The following DNAJC1 variants were observed in gnomAD, a reference collection of about 807,000 sequenced individuals.
The protein encoded by DNAJC1 is dnaJ homolog subfamily C member 1.
Under a neutral mutation model 76.6 loss-of-function variants are expected in DNAJC1, and 58 were observed. The observed-to-expected ratio is 0.76, with a 90% CI of 0.61 to 0.94. The LOEUF (loss-of-function observed/expected upper bound fraction) is 0.94, where lower values mean the gene tolerates loss of function less well. DNAJC1 is among the 40% of genes least tolerant of loss of function. DNAJC1 has a pLI of 0.00. For missense variants in DNAJC1, 689 were observed against 677.3 expected (o/e 1.02, Z -0.19); for synonymous variants, 258 against 267.9 (o/e 0.96, Z 0.36).
At chr10:21,770,516 G>C (rs766959180) in intron 9 of DNAJC1, among the ~76,000 whole-genome samples, 17 of 150,470 alleles carry the variant, frequency 1.1e-4, no homozygotes, top group Non-Finnish European at 2.2e-4. Context: ...TCCCACCTCA[G>C]CCTCACAAGT....
chr10:21,869,485 A>G (rs148035307), intron 8 of DNAJC1, among the ~76,000 whole-genome samples: 2 of 152,262 alleles, frequency 1.3e-5, no homozygotes, highest in African/African-American at 4.8e-5. Context: ...GTATTGATTT[A>G]TACCTTTGCC....
intron 8 of DNAJC1, among the ~76,000 whole-genome samples, chr10:21,829,631 C>T (rs918817824): frequency 4.6e-5 from 7 of 152,218 alleles, no homozygotes; most frequent in South Asian, 4.1e-4. Context: ...GGATTACAGG[C>T]GTGAGCCACT....
At chr10:21,968,849 G>A (rs1461015793) in intron 1 of DNAJC1, among the ~76,000 whole-genome samples, 2 of 152,118 alleles carry the variant, frequency 1.3e-5, no homozygotes, top group Non-Finnish European at 2.9e-5. Flanking sequence ...AAACGCTGCT[G>A]CAGCAATAAT....
At chr10:21,926,653 C>T (rs978361379) in intron 3 of DNAJC1, among the ~76,000 whole-genome samples, 1 of 152,106 alleles carries the variant, frequency 6.6e-6, no homozygotes, top group Admixed American at 6.5e-5. Context: ...GTCACCTGGC[C>T]TCAGGCACAA....
chr10:21,809,962 C>T (rs1002963453), intron 8 of DNAJC1, among the ~76,000 whole-genome samples: 6 of 145,096 alleles, frequency 4.1e-5, no homozygotes, highest in African/African-American at 1.0e-4. Flanking sequence ...ATGTGTGTGG[C>T]GGGGTGGGGG....
At chr10:21,960,114 T>C (rs1837762422) in intron 1 of DNAJC1, among the ~76,000 whole-genome samples, 2 of 152,318 alleles carry the variant, frequency 1.3e-5, no homozygotes, top group Non-Finnish European at 2.9e-5. Flanking sequence ...TAACAGTCTA[T>C]TTTCAGCACA....
chr10:21,759,049 A>T (rs1469589340), intron 11 of DNAJC1, 121 bp downstream of exon 11: 3 of 1,004,296 alleles, frequency 3.0e-6, no homozygotes, highest in African/African-American at 3.2e-5. Context: ...AATGGGAAAG[A>T]AGAAATCACG....
chr10:21,831,850 T>C (rs1193985048), intron 8 of DNAJC1, among the ~76,000 whole-genome samples: 1 of 151,450 alleles, frequency 6.6e-6, no homozygotes, highest in Non-Finnish European at 1.5e-5. Flanking sequence ...ATCAGCTCAG[T>C]CTGTTAGGTG....
intron 8 of DNAJC1, among the ~76,000 whole-genome samples, chr10:21,864,481 G>C (rs979483726): frequency 6.6e-6 from 1 of 151,968 alleles, no homozygotes; most frequent in Non-Finnish European, 1.5e-5. Context: ...AACTAGCCGA[G>C]CGTGGTGGCA....
chr10:21,906,682 T>C lies in DNAJC1; in HGVS notation c.730-2070A>G, dbSNP rs1163549168. Among the ~76,000 whole-genome samples the C allele has an allele frequency of 2.0e-5, 3 of 152,152 alleles. No homozygotes were observed. In the East Asian group the frequency reaches 5.8e-4, roughly 29 times the overall value. On this transcript the variant is annotated intron_variant, in intron 6 of 11. Transcript: ENST00000376980. ...GAGCCAGACTATCTGAATTAAGAACTCAGCTCTGCCATCTTACTAGCTATG... is the reference window on the plus strand; with the variant it reads ...GAGCCAGACTATCTGAATTAAGAACCCAGCTCTGCCATCTTACTAGCTATG...
chr10:21,993,600 G>A (rs1180603277), intron 1 of DNAJC1, among the ~76,000 whole-genome samples: 2 of 152,046 alleles, frequency 1.3e-5, no homozygotes, highest in Non-Finnish European at 2.9e-5. Flanking sequence ...ACAAGATGGA[G>A]ATATTACTCC....
rs189069253 is a variant in DNAJC1, at chr10:21,774,240, C to T, written c.1099-7931G>A. Among the ~76,000 whole-genome samples the T allele has an allele frequency of 6.6e-5, 10 of 151,740 alleles. No homozygotes were observed. The East Asian group carries it at 1.2e-3, about 18-fold the overall frequency. On this transcript the variant is annotated intron_variant, in intron 9 of 11. Coordinates refer to ENST00000376980, the MANE Select transcript of DNAJC1 (RefSeq NM_022365.4). The stretch of plus-strand genomic sequence containing the variant: ...GTAGTATAATTCTAAGAAAAGCTTA[C>T]GGTTTATCTTGTAGAATTTAAATTT...
chr10:21,804,441 T>C (rs1252125605), intron 9 of DNAJC1, among the ~76,000 whole-genome samples: 1 of 152,026 alleles, frequency 6.6e-6, no homozygotes, highest in African/African-American at 2.4e-5. Context: ...AGCAGCTATG[T>C]AATTAGTAGG....
chr10:21,759,132 C>G, intron 11 of DNAJC1, 38 bp downstream of exon 11: 4 of 1,574,862 alleles, frequency 2.5e-6, no homozygotes, highest in Non-Finnish European at 3.4e-6. Flanking sequence ...TGGTGGGATT[C>G]TAACACCTGT....
chr10:21,768,416 AACAG>A (rs780180634), intron 9 of DNAJC1, among the ~76,000 whole-genome samples: 8 of 152,206 alleles, frequency 5.3e-5, no homozygotes, highest in Admixed American at 3.3e-4. Flanking sequence ...TCAGCTGGGT[AACAG>A]ACAGCAATTT....
intron 1 of DNAJC1, among the ~76,000 whole-genome samples, chr10:21,993,151 T>G (rs1838354581): frequency 6.6e-6 from 1 of 152,124 alleles, no homozygotes; most frequent in Admixed American, 6.5e-5. Context: ...CATTTTATAC[T>G]CATAAATTTA....
intron 1 of DNAJC1, among the ~76,000 whole-genome samples, chr10:21,983,725 A>C (rs1838194086): frequency 6.6e-6 from 1 of 151,510 alleles, no homozygotes; most frequent in African/African-American, 2.4e-5. Context: ...TGTCTCAAAA[A>C]AAAAAAAAAA....
chr10:21,860,012 G>C lies in DNAJC1; in HGVS notation c.978+22270C>G, dbSNP rs888456581. The stretch of plus-strand genomic sequence containing the variant: ...TTGGCCAGGCTGGTCTCAAACTCCT[G>C]ACCTCAAGTGATCCACCCCTTCGGC... On this transcript the variant is annotated intron_variant, in intron 8 of 11. Transcript: ENST00000376980. Among the ~76,000 whole-genome samples the C allele has an allele frequency of 3.3e-5, 5 of 152,084 alleles. No individual in the cohort carries two copies. The East Asian group carries it at 5.8e-4, about 18-fold the overall frequency.
chr10:21,834,055 G>A (rs1051430753), intron 8 of DNAJC1, among the ~76,000 whole-genome samples: 6 of 152,088 alleles, frequency 3.9e-5, no homozygotes, highest in African/African-American at 1.4e-4. Context: ...ACGAGGTCAG[G>A]AGATCGAGAC....
Sources: gnomAD v4.1 joint callset for allele counts (sites outside exome capture counted in the v4.1 genomes callset) on GRCh38, gnomAD v4.1.1 for gene constraint, MANE v1.5 for transcripts, NCBI Gene and HGNC (gene_info 2026-07-23, HGNC 2026-07-21) for gene names.